The following DUSP16 variants were observed in gnomAD, a reference collection of about 807,000 sequenced individuals.
The protein encoded by DUSP16 is dual specificity protein phosphatase 16.
A neutral mutation model predicts 58.3 loss-of-function variants in DUSP16; 21 were observed. The observed-to-expected ratio is 0.36, with a 90% CI of 0.26 to 0.52. The LOEUF is 0.52. Ranked by LOEUF, DUSP16 falls within the 20% of genes least tolerant of loss-of-function variation. The pLI is 0.94. For missense variants in DUSP16, 726 were observed against 819.0 expected (o/e 0.89, Z 1.39); for synonymous variants, 320 against 323.8 (o/e 0.99, Z 0.12).
chr12:12,513,763 T>C (rs1421543916), intron 3 of DUSP16, among the ~76,000 whole-genome samples: 4 of 152,218 alleles, frequency 2.6e-5, no homozygotes, highest in Non-Finnish European at 4.4e-5. Flanking sequence ...TGCAGGTTGA[T>C]CTTTATTTCT....
rs576310241 is a variant in DUSP16, at chr12:12,522,431, C to T, written c.-365-968G>A. ...CTAATTAACACTAGTTGAAGTTTTG[C>T]GCTTATTGCTTGGACTTCACCTTGA... On this transcript the variant is annotated intron_variant, in intron 1 of 6. Transcript: ENST00000298573. Among the ~76,000 whole-genome samples, 217 of 152,254 alleles carry T rather than the reference C, an allele frequency of 1.4e-3. 1 individual carries two copies. The highest frequency in any genetic ancestry group is 2.5e-3 in the Non-Finnish European group (172 of 68,022).
Position 12,525,363 on chromosome 12 carries a change from G to A in DUSP16, c.-365-3900C>T, listed in dbSNP as rs182364618. On this transcript the variant is annotated intron_variant, in intron 1 of 6. Coordinates refer to ENST00000298573, the MANE Select transcript of DUSP16 (RefSeq NM_030640.3). ...GGCTCACCGCAACCTCCACCTCCCA[G>A]GTTCAAGCGATTCTCCTGCCTCAGC... Among the ~76,000 whole-genome samples, 513 of 151,948 alleles carry A rather than the reference G, an allele frequency of 3.4e-3. 2 individuals carry two copies. Among genetic ancestry groups the A allele is most frequent in the African/African-American group, 0.011 (467 of 41,424 alleles).
At chr12:12,516,676 T>C (rs1428905722) in intron 3 of DUSP16, among the ~76,000 whole-genome samples, 1 of 152,222 alleles carries the variant, frequency 6.6e-6, no homozygotes, top group East Asian at 1.9e-4. Flanking sequence ...ATTTGCTTTA[T>C]CAGAATAAAT....
chr12:12,553,070 C>T (rs1566059665), intron 1 of DUSP16, among the ~76,000 whole-genome samples: 1 of 152,080 alleles, frequency 6.6e-6, no homozygotes, highest in Non-Finnish European at 1.5e-5. Flanking sequence ...CATGAGCCAC[C>T]ATGCCTGGCC....
chr12:12,485,918 C>G (rs973290396), intron 5 of DUSP16, among the ~76,000 whole-genome samples: 2 of 151,426 alleles, frequency 1.3e-5, no homozygotes, highest in African/African-American at 4.9e-5. Flanking sequence ...CTCAGCCTCC[C>G]GAGCAGCTGG....
In DUSP16 at chr12:12,500,531, A is replaced by G; in HGVS notation, c.519T>C (p.Asp173=). Residue 173 remains aspartate (D), a synonymous_variant, in exon 4 of 7, where the codon GAT becomes GAC. Transcript: ENST00000298573. ...LPNLYLGCQR[D]VLNKELMQQN... ...TCAAAGCACCCACCTTGTTGAGGAC[A>G]TCTCGCTGGCAGCCAAGATAAAGAT... 1 of 1,609,482 alleles carries G rather than the reference A, an allele frequency of 6.2e-7. No individual in the cohort carries two copies. The highest frequency in any genetic ancestry group is 8.5e-7 in the Non-Finnish European group (1 of 1,178,332).
chr12:12,501,743 G>A (rs992043532), intron 3 of DUSP16, among the ~76,000 whole-genome samples: 4 of 152,154 alleles, frequency 2.6e-5, no homozygotes, highest in East Asian at 3.9e-4. Flanking sequence ...TGTAATCCCC[G>A]CACTTTGGGA....
chr12:12,525,641 G>A (rs1009314909), intron 1 of DUSP16, among the ~76,000 whole-genome samples: 1 of 151,966 alleles, frequency 6.6e-6, no homozygotes, highest in African/African-American at 2.4e-5. Context: ...GGAAGGCCAA[G>A]GCAGGAGGAT....
At chr12:12,488,853 G>T (rs1222665529) in intron 4 of DUSP16, among the ~76,000 whole-genome samples, 1 of 152,170 alleles carries the variant, frequency 6.6e-6, no homozygotes, top group African/African-American at 2.4e-5. Flanking sequence ...GCCGAGGCAG[G>T]AGGATCACCT....
chr12:12,493,762 C>A (rs1943792960), intron 4 of DUSP16, among the ~76,000 whole-genome samples: 1 of 151,878 alleles, frequency 6.6e-6, no homozygotes, highest in African/African-American at 2.4e-5. Context: ...TGTTCAAATG[C>A]CTCTATCTCA....
chr12:12,559,546 T>A (rs1308608381), intron 1 of DUSP16, among the ~76,000 whole-genome samples: 2 of 152,240 alleles, frequency 1.3e-5, no homozygotes, highest in Middle Eastern at 3.2e-3. Context: ...TTAGTTCAGG[T>A]AACACGAAGT....
At chr12:12,506,419 G>A (rs1011817912) in intron 3 of DUSP16, among the ~76,000 whole-genome samples, 17 of 152,138 alleles carry the variant, frequency 1.1e-4, no homozygotes, top group East Asian at 5.8e-4. Flanking sequence ...ACATCAGTCC[G>A]TTATCCGCTA....
rs1263383757 is a variant in DUSP16, at chr12:12,476,048, GTT to G, written c.*783_*784del. On this transcript the variant is annotated 3_prime_UTR_variant, in exon 7 of 7. Coordinates refer to ENST00000298573, the MANE Select transcript of DUSP16 (RefSeq NM_030640.3). ...TGGTGGTTCAGCTGAATCCTAGACA[GTT>G]TCCCTTCTCTTCATAAAGCTGAGAA... 1 of 152,318 alleles carries G rather than the reference GTT, an allele frequency of 6.6e-6. No homozygotes were observed. The highest frequency in any genetic ancestry group is 1.5e-5 in the Non-Finnish European group (1 of 68,030). 9.4% of individuals were successfully genotyped at this position (152,318 alleles called of 1,614,324 possible).
intron 3 of DUSP16, among the ~76,000 whole-genome samples, chr12:12,514,848 G>A (rs1026395261): frequency 2.0e-5 from 3 of 152,000 alleles, no homozygotes; most frequent in Non-Finnish European, 4.4e-5. Flanking sequence ...TAGTACAGAC[G>A]AGGTCTCTCT....
At chr12:12,520,774 A>G in intron 2 of DUSP16, 97 bp downstream of exon 2, 1 of 1,437,338 alleles carries the variant, frequency 7.0e-7, no homozygotes, top group East Asian at 2.3e-5. Flanking sequence ...AAACTTCCTC[A>G]AATTACTTTC....
intron 5 of DUSP16, among the ~76,000 whole-genome samples, chr12:12,481,526 G>GAAT (rs1943564846): frequency 6.6e-6 from 1 of 152,178 alleles, no homozygotes; most frequent in Non-Finnish European, 1.5e-5. Flanking sequence ...TTTGGCAGCT[G>GAAT]AATAATACAA....
At chr12:12,489,376 C>T (rs371299085) in intron 4 of DUSP16, among the ~76,000 whole-genome samples, 2 of 152,160 alleles carry the variant, frequency 1.3e-5, no homozygotes, top group Admixed American at 1.3e-4. Context: ...GTGAGTTTAT[C>T]TAGTACTATC....
chr12:12,528,765 G>C (rs1944340582), intron 1 of DUSP16, among the ~76,000 whole-genome samples: 1 of 152,096 alleles, frequency 6.6e-6, no homozygotes, highest in South Asian at 2.1e-4. Context: ...ATTTAGTGAT[G>C]GGGGACACGA....
rs1474581528 is a variant in DUSP16 at position 12,512,795 on chromosome 12, C to T, written c.367+7067G>A. ...TTCCTTAATAATTGGCATACTTTTA[C>T]TGAAATCCATTAATTTCAATCTCAT... On this transcript the variant is annotated intron_variant, in intron 3 of 6. Transcript: ENST00000298573. 3.9e-5 allele frequency among the ~76,000 whole-genome samples: 6 copies of T among 152,172 alleles called. No individual in the cohort carries two copies. The East Asian group carries it at 1.2e-3, about 29-fold the overall frequency.
Sources: gnomAD v4.1 joint callset for allele counts (sites outside exome capture counted in the v4.1 genomes callset) on GRCh38, gnomAD v4.1.1 for gene constraint, MANE v1.5 for transcripts, NCBI Gene and HGNC (gene_info 2026-07-23, HGNC 2026-07-21) for gene names.